Variants in IRF2BP2 observed in about 807,000 individuals in gnomAD.
IRF2BP2 encodes interferon regulatory factor 2-binding protein 2.
A neutral mutation model predicts 32.7 loss-of-function variants in IRF2BP2; 13 were observed. The observed-to-expected ratio is 0.40, with a 90% CI of 0.26 to 0.63. IRF2BP2 has a LOEUF of 0.63. IRF2BP2 is among the 30% of genes least tolerant of loss of function. The pLI is 0.42. For synonymous variants in IRF2BP2, 555 were observed against 384.6 expected (o/e 1.44, Z -5.18); for missense variants, 980 against 830.6 (o/e 1.18, Z -2.21).
At chr1:234,607,980 AATACTC>A in intron 1 of IRF2BP2, 128 bp from the exon 2 acceptor site, 1 of 729,128 alleles carries the variant, frequency 1.4e-6, no homozygotes, top group Middle Eastern at 3.9e-4. Flanking sequence ...ACAGACAGAA[AATACTC>A]ATATACGAGT....
rs1416830752 is a variant in IRF2BP2 at position 234,607,448 on chromosome 1, G to A, written c.1453C>T (p.Leu485=). The A allele has an allele frequency of 1.2e-6, 2 of 1,614,078 alleles. No homozygotes were observed. Among genetic ancestry groups the A allele is most frequent in the African/African-American group, 1.3e-5 (1 of 74,954 alleles). ...GGQGAGNTGG[L]EPVHPASLPD... ...AGGCTGGCAGGGTGCACTGGCTCCA[G>A]TCCTCCTGTGTTGCCTGCTCCCTGG... Residue 485 remains leucine (L), a synonymous_variant, in exon 2 of 2, where the codon CTG becomes TTG. Transcript: ENST00000366609.
Position 234,609,273 on chromosome 1 carries a change from G to T in IRF2BP2, c.222C>A (p.Gly74=), listed in dbSNP as rs779898229. 18 of 1,403,002 alleles carry T rather than the reference G, an allele frequency of 1.3e-5. No individual in the cohort carries two copies. The South Asian group carries it at 2.6e-4, about 21-fold the overall frequency. 86.9% of individuals were successfully genotyped at this position (1,403,002 alleles called of 1,614,324 possible). Residue 74 remains glycine (G), a synonymous_variant, in exon 1 of 2, where the codon GGC becomes GGA. Transcript: ENST00000366609. Reference sequence around the variant, plus strand: ...GCTTGGCGGCGGCCGAGGCCGCGGCGCCGGGTGGGGAGCGACCCTCCGGGA... The same window carrying T: ...GCTTGGCGGCGGCCGAGGCCGCGGCTCCGGGTGGGGAGCGACCCTCCGGGA... The part of the protein sequence containing the change: ...GCFPEGRSPP[G]AAASAAAKPP...
chr1:234,607,910 A>G (rs1672210501), intron 1 of IRF2BP2, 58 bp from the exon 2 acceptor site: 1 of 1,336,442 alleles, frequency 7.5e-7, no homozygotes, highest in South Asian at 1.4e-5. Context: ...GCACTGAAAG[A>G]GATCATTCTC....
Position 234,608,865 on chromosome 1 carries a change from G to A in IRF2BP2, c.630C>T (p.Ala210=), listed in dbSNP as rs937292976. 24 of 1,319,774 alleles carry A rather than the reference G, an allele frequency of 1.8e-5. No homozygotes were observed. The Admixed American group carries it at 2.9e-4, about 16-fold the overall frequency. The allele number at this position is 1,319,774 out of a possible 1,614,324, so 81.8% of individuals were successfully genotyped here. The change falls in exon 1 of 2, where the codon GCC becomes GCT. Residue 210 remains alanine, a synonymous_variant. Coordinates refer to ENST00000366609, the MANE Select transcript of IRF2BP2 (RefSeq NM_182972.3). ...PTALGLGGRA[A]ASLAAVSGTA... is the part of the protein sequence containing the mutation. ...TTCCGGACACCGCGGCTAAGGAGGC[G>A]GCAGCGCGGCCGCCGAGGCCGAGCG...
In IRF2BP2 at chr1:234,608,875, C is replaced by A; in HGVS notation, c.620G>T (p.Gly207Val). 1 of 1,316,898 alleles carries A rather than the reference C, an allele frequency of 7.6e-7. No individual in the cohort carries two copies. Among genetic ancestry groups the A allele is most frequent in the South Asian group, 2.3e-5 (1 of 44,318 alleles). 81.6% of individuals were successfully genotyped at this position (1,316,898 alleles called of 1,614,324 possible). Residue 207 changes from glycine (G) to valine (V), a missense_variant, in exon 1 of 2, where the codon GGC becomes GTC. Gly to Val is a moderately radical substitution (Grantham distance 109). Coordinates refer to ENST00000366609, the MANE Select transcript of IRF2BP2 (RefSeq NM_182972.3). Reference protein sequence around the residue: ...TPLPTALGLGGRAAASLAAVS... With the variant: ...TPLPTALGLGVRAAASLAAVS... ...CGCGGCTAAGGAGGCGGCAGCGCGG[C>A]CGCCGAGGCCGAGCGCGGTGGGCAG... is the stretch of plus-strand genomic sequence containing the variant.
Position 234,606,948 on chromosome 1 carries a change from A to G in IRF2BP2, c.*189T>C. Reference sequence around the variant, plus strand: ...TAACAAAAGAAAAAAATGTCTTTATAAGTACATACCTTTTGTCGTCAAAAA... The same window carrying G: ...TAACAAAAGAAAAAAATGTCTTTATGAGTACATACCTTTTGTCGTCAAAAA... On this transcript the variant is annotated 3_prime_UTR_variant, in exon 2 of 2. Coordinates refer to ENST00000366609, the MANE Select transcript of IRF2BP2 (RefSeq NM_182972.3). The G allele has an allele frequency of 2.0e-6, 1 of 505,856 alleles. No individual in the cohort carries two copies. Among genetic ancestry groups the G allele is most frequent in the Non-Finnish European group, 3.5e-6 (1 of 288,026 alleles). The allele number at this position is 505,856 out of a possible 1,614,324, so 31.3% of individuals were successfully genotyped here.
At position 234,609,814 on chromosome 1, in the gene IRF2BP2, G is replaced by A. The variant is rs1672297398; in HGVS notation, c.-320C>T. On this transcript the variant is annotated 5_prime_UTR_variant, in exon 1 of 2. Transcript: ENST00000366609. ...CGGCGGGCGCGGCGGTGGGGGCTCG[G>A]CCGGAGCCGCGGCGGGCCTCCAGAC... Among the ~76,000 whole-genome samples the A allele has an allele frequency of 7.0e-6, 1 of 143,042 alleles. No homozygotes were observed. Among genetic ancestry groups the A allele is most frequent in the African/African-American group, 2.5e-5 (1 of 39,948 alleles). The allele number at this position is 143,042 out of a possible 152,430, so 93.8% of individuals were successfully genotyped here. A position where few individuals can be genotyped will look rare whatever the true frequency, so the allele number is the denominator to read the frequency against.
chr1:234,607,028 T>C lies in IRF2BP2; in HGVS notation c.*109A>G. ...AATCAAAATTATACAGCCATGTTTA[T>C]GAAGTCTACATTTCCCTTGTCTTGG... On this transcript the variant is annotated 3_prime_UTR_variant, in exon 2 of 2. Coordinates refer to ENST00000366609, the MANE Select transcript of IRF2BP2 (RefSeq NM_182972.3). 1 of 830,298 alleles carries C rather than the reference T, an allele frequency of 1.2e-6. No homozygotes were observed. Among genetic ancestry groups the C allele is most frequent in the Non-Finnish European group, 1.9e-6 (1 of 526,118 alleles). 51.4% of individuals were successfully genotyped at this position (830,298 alleles called of 1,614,324 possible). A position where few individuals can be genotyped will look rare whatever the true frequency, so the allele number is the denominator to read the frequency against.
At position 234,609,335 on chromosome 1, in the gene IRF2BP2, C is replaced by G; in HGVS notation, c.160G>C (p.Glu54Gln). 2.6e-6 allele frequency: 4 copies of G among 1,529,936 alleles called. No homozygotes were observed. Among genetic ancestry groups the G allele is most frequent in the Non-Finnish European group, 3.5e-6 (4 of 1,140,934 alleles). 94.8% of individuals were successfully genotyped at this position (1,529,936 alleles called of 1,614,324 possible). ...GCCCGCTTGAGCTGCCGCGCCGTCT[C>G]GATGACGAACTCGACGCGGTCGGCG... Reference protein sequence around the residue: ...EGADRVEFVIETARQLKRAHG... With the variant: ...EGADRVEFVIQTARQLKRAHG... Residue 54 changes from glutamate (E) to glutamine (Q), a missense_variant, in exon 1 of 2, where the codon GAG (glutamate) becomes CAG (glutamine). Glu to Gln is a conservative substitution (Grantham distance 29). Transcript: ENST00000366609.
rs1025143128 is a variant in IRF2BP2 at position 234,605,576 on chromosome 1, T to C, written c.*1561A>G. ...AATCCAAAGTTGGTAAAAATCTGTA[T>C]TTTCAAATGTAAATAGAAGCTAGGC... On this transcript the variant is annotated 3_prime_UTR_variant, in exon 2 of 2. Coordinates refer to ENST00000366609, the MANE Select transcript of IRF2BP2 (RefSeq NM_182972.3). 9 of 152,264 alleles carry C rather than the reference T, an allele frequency of 5.9e-5. No individual in the cohort carries two copies. The highest frequency in any genetic ancestry group is 2.2e-4 in the African/African-American group (9 of 41,480). The allele number at this position is 152,264 out of a possible 1,614,324, so 9.4% of individuals were successfully genotyped here.
chr1:234,608,932 A>G lies in IRF2BP2; in HGVS notation c.563T>C (p.Leu188Pro). The G allele has an allele frequency of 2.9e-6, 4 of 1,369,528 alleles. No homozygotes were observed. Among genetic ancestry groups the G allele is most frequent in the Non-Finnish European group, 3.7e-6 (4 of 1,067,104 alleles). 84.8% of individuals were successfully genotyped at this position (1,369,528 alleles called of 1,614,324 possible). A position where few individuals can be genotyped will look rare whatever the true frequency, so the allele number is the denominator to read the frequency against. ...PRRGHAVPPT[L>P]VPLMNGSATP... Reference sequence around the variant, plus strand: ...GGCCGAGCCGTTCATGAGCGGCACCAGGGTGGGCGGCACCGCGTGGCCGCG... The same window carrying G: ...GGCCGAGCCGTTCATGAGCGGCACCGGGGTGGGCGGCACCGCGTGGCCGCG... Residue 188 changes from leucine (L) to proline (P), a missense_variant, in exon 1 of 2, where the codon CTG becomes CCG. Leu to Pro is a moderately conservative substitution (Grantham distance 98). Coordinates refer to ENST00000366609, the MANE Select transcript of IRF2BP2 (RefSeq NM_182972.3).
At position 234,607,448 on chromosome 1, in the gene IRF2BP2, G is replaced by T; in HGVS notation, c.1453C>A (p.Leu485Met). Reference protein sequence around the residue: ...GGQGAGNTGGLEPVHPASLPD... With the variant: ...GGQGAGNTGGMEPVHPASLPD... The stretch of plus-strand genomic sequence containing the variant: ...AGGCTGGCAGGGTGCACTGGCTCCA[G>T]TCCTCCTGTGTTGCCTGCTCCCTGG... The change falls in exon 2 of 2, where the codon CTG becomes ATG. Residue 485 changes from leucine (L) to methionine (M), a missense_variant. Leu to Met is a conservative substitution (Grantham distance 15, BLOSUM62 2). Transcript: ENST00000366609. The T allele has an allele frequency of 6.2e-7, 1 of 1,614,196 alleles. No individual in the cohort carries two copies. Among genetic ancestry groups the T allele is most frequent in the Non-Finnish European group, 8.5e-7 (1 of 1,180,012 alleles).
In IRF2BP2 at chr1:234,606,206, G is replaced by GT. The variant is rs1281269769; in HGVS notation, c.*930dup. 6.6e-6 allele frequency: 1 copy of GT among 152,298 alleles called. No homozygotes were observed. The highest frequency in any genetic ancestry group is 1.5e-5 in the Non-Finnish European group (1 of 68,088). 9.4% of individuals were successfully genotyped at this position (152,298 alleles called of 1,614,324 possible). ...CACAATCTCCAAGTTCACCTGGACT[G>GT]TAACTTCTCTTGCAACTCTTTCAAA... is the stretch of plus-strand genomic sequence containing the variant. On this transcript the variant is annotated 3_prime_UTR_variant, in exon 2 of 2. Transcript: ENST00000366609.
At position 234,609,096 on chromosome 1, in the gene IRF2BP2, G is replaced by T. The variant is rs1276559971; in HGVS notation, c.399C>A (p.Phe133Leu). ...AERPPRLGSD[F>L]GSSRPAASLA... ...GGCTCGCTGCCGGGCGGCTGCTGCC[G>T]AAGTCAGAGCCGAGGCGCGGGGGCC... is the stretch of plus-strand genomic sequence containing the variant. The change falls in exon 1 of 2, where the codon TTC becomes TTA. Residue 133 changes from phenylalanine (F) to leucine (L), a missense_variant. Phe to Leu is a conservative substitution (Grantham distance 22). Coordinates refer to ENST00000366609, the MANE Select transcript of IRF2BP2 (RefSeq NM_182972.3). The T allele has an allele frequency of 4.0e-6, 5 of 1,237,936 alleles. No individual in the cohort carries two copies. Among genetic ancestry groups the T allele is most frequent in the Non-Finnish European group, 5.0e-6 (5 of 993,218 alleles). The allele number at this position is 1,237,936 out of a possible 1,614,324, so 76.7% of individuals were successfully genotyped here. A position where few individuals can be genotyped will look rare whatever the true frequency, so the allele number is the denominator to read the frequency against.
At position 234,608,734 on chromosome 1, in the gene IRF2BP2, G is replaced by A. The variant is rs11502; in HGVS notation, c.761C>T (p.Ala254Val). ...CGGCGGTTGTTTCTCCTTGGCTGCC[G>A]CCTCACGCTGCTCGTGCTCCACGGC... ...SAAVEHEQRE[A>V]AAKEKQPPPP... The change falls in exon 1 of 2, where the codon GCG becomes GTG. Residue 254 changes from alanine (A) to valine (V), a missense_variant. By Grantham distance (64) the Ala-to-Val change is moderately conservative. Transcript: ENST00000366609. 0.091 allele frequency: 136,603 copies of A among 1,497,786 alleles called. 6,914 individuals are homozygous for A. The highest frequency in any genetic ancestry group is 0.1 in the Non-Finnish European group (117,156 of 1,133,704). The allele number at this position is 1,497,786 out of a possible 1,614,324, so 92.8% of individuals were successfully genotyped here.
At chr1:234,608,219 G>A (rs948889606) in intron 1 of IRF2BP2, 9 of 528,712 alleles carry the variant, frequency 1.7e-5, no homozygotes, top group South Asian at 8.9e-5. Context: ...GCTGGGAAAG[G>A]AAAACCCCGT....
At position 234,607,142 on chromosome 1, in the gene IRF2BP2, AGT is replaced by A; in HGVS notation, c.1757_1758del (p.Asp586ValfsTer15). Reference sequence around the variant, plus strand: ...TTTTTCTGAAACCGGAAAAGTCACGAGTCTCTCTCTTTTTTCACTTTCACATC... The same window carrying A: ...TTTTTCTGAAACCGGAAAAGTCACGACTCTCTCTTTTTTCACTTTCACATC... ...AGDVKVKKER[D>X]S On this transcript the variant is annotated frameshift_variant, in exon 2 of 2. Transcript: ENST00000366609. LOFTEE classifies it high-confidence loss of function. 2 of 1,604,798 alleles carry A rather than the reference AGT, an allele frequency of 1.2e-6. No homozygotes were observed. The highest frequency in any genetic ancestry group is 1.7e-6 in the Non-Finnish European group (2 of 1,173,094).
In IRF2BP2 at chr1:234,606,552, T is replaced by C. The variant is rs1211748699; in HGVS notation, c.*585A>G. Reference sequence around the variant, plus strand: ...CATCAGTATCTCAGGAACTGAACTTTTGAGCAAAATAGAGATTCAAAATCC... The same window carrying C: ...CATCAGTATCTCAGGAACTGAACTTCTGAGCAAAATAGAGATTCAAAATCC... On this transcript the variant is annotated 3_prime_UTR_variant, in exon 2 of 2. Transcript: ENST00000366609. The C allele has an allele frequency of 6.6e-6, 1 of 152,244 alleles. No individual in the cohort carries two copies. The highest frequency in any genetic ancestry group is 2.4e-5 in the African/African-American group (1 of 41,456). 9.4% of individuals were successfully genotyped at this position (152,244 alleles called of 1,614,324 possible).
rs1571956400 is a variant in IRF2BP2 at position 234,607,046 on chromosome 1, T to C, written c.*91A>G. ...ATGTTTATGAAGTCTACATTTCCCT[T>C]GTCTTGGATATATATATATATGGAG... On this transcript the variant is annotated 3_prime_UTR_variant, in exon 2 of 2. Transcript: ENST00000366609. 6.5e-6 allele frequency: 6 copies of C among 925,878 alleles called. No homozygotes were observed. The East Asian group carries it at 7.3e-5, about 11-fold the overall frequency. The allele number at this position is 925,878 out of a possible 1,614,324, so 57.4% of individuals were successfully genotyped here.
Sources: allele counts gnomAD v4.1 joint callset (sites outside exome capture counted in the v4.1 genomes callset), GRCh38; gene constraint gnomAD v4.1.1; transcripts MANE v1.5; gene names NCBI Gene and HGNC (gene_info 2026-07-23, HGNC 2026-07-21).